Variants in METTL16 observed in about 807,000 individuals in gnomAD.
The protein encoded by METTL16 is methyltransferase 16, RNA N6-adenosine.
METTL16 carries 19 observed loss-of-function variants against 57.9 expected under a neutral mutation model. That is an observed-to-expected ratio of 0.33 (90% confidence interval 0.23 to 0.48). METTL16 has a LOEUF of 0.48. Ranked by LOEUF, METTL16 falls within the 20% of genes least tolerant of loss-of-function variation. METTL16 has a pLI of 0.99. For synonymous variants in METTL16, 246 were observed against 255.6 expected, an observed-to-expected ratio of 0.96 and a Z score of 0.36; for missense variants, 434 against 691.5, an observed-to-expected ratio of 0.63 and a Z score of 4.18.
intron 3 of METTL16, among the ~76,000 whole-genome samples, chr17:2,474,389 A>C (rs2067255759): frequency 7.1e-6 from 1 of 140,020 alleles, no homozygotes; most frequent in African/African-American, 3.1e-5. Flanking sequence ...ACAAAAAGAA[A>C]AAAAAAAAAA....
At chr17:2,448,811 A>T (rs1445540045) in intron 6 of METTL16, among the ~76,000 whole-genome samples, 29 of 143,622 alleles carry the variant, frequency 2.0e-4, no homozygotes, top group African/African-American at 7.1e-4. Flanking sequence ...TTAAAAAAAA[A>T]AAAAAAAAAA....
At chr17:2,451,007 T>C (rs932657192) in intron 6 of METTL16, among the ~76,000 whole-genome samples, 1 of 152,200 alleles carries the variant, frequency 6.6e-6, no homozygotes, top group African/African-American at 2.4e-5. Flanking sequence ...TCAAAAACTA[T>C]TGAAGACTGG....
At chr17:2,429,833 C>G (rs1348526297) in intron 8 of METTL16, among the ~76,000 whole-genome samples, 4 of 151,288 alleles carry the variant, frequency 2.6e-5, no homozygotes, top group Non-Finnish European at 5.9e-5. Context: ...TTTTCTGAGG[C>G]GGAGTCTCGC....
intron 1 of METTL16, among the ~76,000 whole-genome samples, chr17:2,503,341 G>A (rs1024290995): frequency 2.8e-5 from 4 of 141,904 alleles, no homozygotes; most frequent in African/African-American, 1.1e-4. Context: ...ATGAAAATAC[G>A]GTATATCCAT....
intron 2 of METTL16, among the ~76,000 whole-genome samples, chr17:2,492,964 A>G (rs1414125012): frequency 6.6e-6 from 1 of 151,250 alleles, no homozygotes; most frequent in African/African-American, 2.4e-5. Context: ...ACTGATACTT[A>G]ACAAGACTAA....
intron 2 of METTL16, among the ~76,000 whole-genome samples, chr17:2,482,080 A>G (rs2067311233): frequency 1.3e-5 from 2 of 152,218 alleles, no homozygotes; most frequent in African/African-American, 4.8e-5. Context: ...CAACAGATAA[A>G]CATTTTGAGT....
In METTL16 at chr17:2,417,058, C is replaced by CTTTTTTTTTTTTTTTTTTTTTTTTTT. The variant is rs59854056; in HGVS notation, c.*2886_*2911dup. ...TGAAAGCTGGCCTGCTCATGGGTTC[C>CTTTTTTTTTTTTTTTTTTTTTTTTTT]TTTTTTTTTTTTTTTTTTTTTTTTT... On this transcript the variant is annotated 3_prime_UTR_variant, in exon 10 of 10. Coordinates refer to ENST00000263092, the MANE Select transcript of METTL16 (RefSeq NM_024086.4). The CTTTTTTTTTTTTTTTTTTTTTTTTTT allele has an allele frequency of 2.9e-4, 18 of 61,528 alleles. 3 individuals carry two copies. Among genetic ancestry groups the CTTTTTTTTTTTTTTTTTTTTTTTTTT allele is most frequent in the Non-Finnish European group, 3.9e-4 (14 of 35,658 alleles). 3.8% of individuals were successfully genotyped at this position (61,528 alleles called of 1,614,324 possible).
rs542827391 is a variant in METTL16 at position 2,476,781 on chromosome 17, T to C, written c.328+905A>G. ...GAACAACCTGATCAACATGGTGAAA[T>C]CCCACCTCTACTAAAAATACAAAAA... On this transcript the variant is annotated intron_variant, in intron 3 of 9. Transcript: ENST00000263092. 1.4e-3 allele frequency among the ~76,000 whole-genome samples: 204 copies of C among 150,766 alleles called. 2 individuals carry two copies. The highest frequency in any genetic ancestry group is 4.6e-3 in the African/African-American group (188 of 41,028).
intron 8 of METTL16, among the ~76,000 whole-genome samples, chr17:2,430,278 AT>A (rs576206174): frequency 4.4e-4 from 64 of 145,222 alleles, no homozygotes; most frequent in African/African-American, 4.5e-4. Context: ...ACTCCTGGCT[AT>A]TTTTTTTTTT....
chr17:2,477,423 T>C lies in METTL16; in HGVS notation c.328+263A>G, dbSNP rs2067276159. ...AATTTTTTTTTCAGATTTTGAAATATGTGCACTATATTTACAGGCTGAACA... is the reference window on the plus strand; with the variant it reads ...AATTTTTTTTTCAGATTTTGAAATACGTGCACTATATTTACAGGCTGAACA... On this transcript the variant is annotated intron_variant, in intron 3 of 9. Coordinates refer to ENST00000263092, the MANE Select transcript of METTL16 (RefSeq NM_024086.4). 3 of 357,008 alleles carry C rather than the reference T, an allele frequency of 8.4e-6. No individual in the cohort carries two copies. In the East Asian group the frequency reaches 1.5e-4, roughly 17 times the overall value. The allele number at this position is 357,008 out of a possible 1,614,324, so 22.1% of individuals were successfully genotyped here.
intron 3 of METTL16, among the ~76,000 whole-genome samples, chr17:2,474,387 A>G (rs922757903): frequency 9.4e-6 from 1 of 106,190 alleles, no homozygotes; most frequent in South Asian, 2.7e-4. Context: ...AAACAAAAAG[A>G]AAAAAAAAAA....
chr17:2,446,597 C>CCTCTCT (rs1199191993), intron 6 of METTL16, among the ~76,000 whole-genome samples: 1 of 149,816 alleles, frequency 6.7e-6, no homozygotes, highest in Non-Finnish European at 1.5e-5. Flanking sequence ...CCTGGCTCTC[C>CCTCTCT]CTCTCCCTCT....
At chr17:2,492,897 C>CAAAAAAAAAAAAAAAAAAAAA (rs56853674) in intron 2 of METTL16, among the ~76,000 whole-genome samples, 1 of 75,912 alleles carries the variant, frequency 1.3e-5, no homozygotes, top group Non-Finnish European at 2.4e-5. Context: ...GACTCCGTCT[C>CAAAAAAAAAAAAAAAAAAAAA]AAAAAAAAAA....
At chr17:2,491,004 T>C (rs554120484) in intron 2 of METTL16, among the ~76,000 whole-genome samples, 3 of 152,342 alleles carry the variant, frequency 2.0e-5, no homozygotes, top group Admixed American at 6.5e-5. Context: ...TTGTTGTTTA[T>C]TTTCTTTTCT....
chr17:2,492,801 G>C (rs960476340), intron 2 of METTL16, among the ~76,000 whole-genome samples: 1 of 149,780 alleles, frequency 6.7e-6, no homozygotes, highest in Non-Finnish European at 1.5e-5. Context: ...GGACGCTGAG[G>C]CAGGAGAATT....
At chr17:2,458,433 AG>A (rs10714380) in intron 6 of METTL16, among the ~76,000 whole-genome samples, 79,367 of 151,388 alleles carry the variant, frequency 0.52, 23,544 homozygotes, top group African/African-American at 0.82. Flanking sequence ...ATTCAGGGCC[AG>A]GGTGTGGTGA....
At chr17:2,497,504 G>A (rs909398605) in intron 2 of METTL16, among the ~76,000 whole-genome samples, 3 of 150,678 alleles carry the variant, frequency 2.0e-5, no homozygotes, top group African/African-American at 7.4e-5. Flanking sequence ...GCAGAGAAGG[G>A]GTCTCTCCAT....
chr17:2,437,378 A>G (rs569031658), intron 8 of METTL16, among the ~76,000 whole-genome samples: 1 of 152,294 alleles, frequency 6.6e-6, no homozygotes, highest in African/African-American at 2.4e-5. Context: ...GTCAACTTCT[A>G]CGTTCTCCAG....
intron 8 of METTL16, among the ~76,000 whole-genome samples, chr17:2,433,588 A>G (rs970382730): frequency 8.5e-5 from 13 of 152,338 alleles, no homozygotes; most frequent in Admixed American, 2.6e-4. Flanking sequence ...CTGTGAAATC[A>G]GACTCATCTG....
Sources: allele counts gnomAD v4.1 joint callset (sites outside exome capture counted in the v4.1 genomes callset), GRCh38; gene constraint gnomAD v4.1.1; transcripts MANE v1.5; gene names NCBI Gene and HGNC (gene_info 2026-07-23, HGNC 2026-07-21).